The following DYNLT2B variants were observed in gnomAD, a reference collection of about 807,000 sequenced individuals.
DYNLT2B encodes the protein dynein light chain Tctex-type 2B, also known as dynein light chain Tctex-type protein 2B.
DYNLT2B carries 14 observed loss-of-function variants against 19.5 expected under a neutral mutation model. The observed-to-expected ratio is 0.72, with a 90% CI of 0.47 to 1.12. The LOEUF is 1.12. DYNLT2B is among the 50% of genes most tolerant of loss of function. The pLI, the probability that DYNLT2B is intolerant of heterozygous loss-of-function variation, is 0.00. For missense variants in DYNLT2B, 133 were observed against 174.7 expected (o/e 0.76, Z 1.35); for synonymous variants, 70 against 59.7 (o/e 1.17, Z -0.79).
chr3:196,297,436 A>G (rs1478848174), intron 3 of DYNLT2B, among the ~76,000 whole-genome samples: 1 of 152,024 alleles, frequency 6.6e-6, no homozygotes, highest in Non-Finnish European at 1.5e-5. Flanking sequence ...GAGGCAGGAG[A>G]ATCACTTGAA....
chr3:196,300,730 C>CA (rs1171224774), intron 3 of DYNLT2B, among the ~76,000 whole-genome samples: 26,421 of 68,488 alleles, frequency 0.39, 5,290 homozygotes, highest in East Asian at 0.84. Flanking sequence ...ACTCTGTCTC[C>CA]AAAAAAAAAA....
chr3:196,305,979 T>C (rs1303802325), intron 3 of DYNLT2B, among the ~76,000 whole-genome samples: 2 of 149,490 alleles, frequency 1.3e-5, no homozygotes, highest in Non-Finnish European at 3.0e-5. Context: ...TGTGTTATGA[T>C]CACATCTGTG....
chr3:196,311,122 C>T (rs75728031), intron 2 of DYNLT2B, among the ~76,000 whole-genome samples: 18,005 of 151,998 alleles, frequency 0.12, 1,306 homozygotes, highest in South Asian at 0.2. Flanking sequence ...AAGATCATTC[C>T]AGAACTAATA....
In DYNLT2B at chr3:196,316,099, TTTTAA is replaced by T; in HGVS notation, c.241_245del (p.Leu81ArgfsTer5). 7 of 1,612,720 alleles carry T rather than the reference TTTTAA, an allele frequency of 4.3e-6. No individual in the cohort carries two copies. Among genetic ancestry groups the T allele is most frequent in the Non-Finnish European group, 5.9e-6 (7 of 1,179,174 alleles). ...ATTTCCAGTTATCACCATGATTACC[TTTTAA>T]TTTATCTTTAATGTTTTCTGATAAA... On this transcript the variant is annotated frameshift_variant and splice_region_variant, in exon 2 of 5. Coordinates refer to ENST00000325318, the MANE Select transcript of DYNLT2B (RefSeq NM_152773.5). LOFTEE classifies it high-confidence loss of function.
intron 4 of DYNLT2B, among the ~76,000 whole-genome samples, chr3:196,293,459 T>C (rs1316620152): frequency 1.3e-5 from 2 of 151,542 alleles, no homozygotes; most frequent in Non-Finnish European, 2.9e-5. Context: ...ACCTTGTCTC[T>C]ACTAAAAAAT....
At chr3:196,308,082 GAAAAAA>G (rs201886079) in intron 2 of DYNLT2B, among the ~76,000 whole-genome samples, 5 of 108,998 alleles carry the variant, frequency 4.6e-5, no homozygotes, top group African/African-American at 1.5e-4. Flanking sequence ...ACTCCATCTC[GAAAAAA>G]AAAAAAAAAA....
intron 3 of DYNLT2B, among the ~76,000 whole-genome samples, chr3:196,302,245 G>T (rs1726375763): frequency 6.6e-6 from 1 of 152,158 alleles, no homozygotes. Flanking sequence ...GAGTGGAAGG[G>T]GCAGCAGCAG....
rs754305478 is a variant in DYNLT2B at position 196,307,986 on chromosome 3, CAGG to C, written c.248-977_248-975del. The stretch of plus-strand genomic sequence containing the variant: ...ACCCCAGCTACTCGGGAGGCTGAGG[CAGG>C]AGAATTGCTTGAACCTGGGAGGCGG... On this transcript the variant is annotated intron_variant, in intron 2 of 4. Transcript: ENST00000325318. Among the ~76,000 whole-genome samples, 340 of 147,534 alleles carry C rather than the reference CAGG, an allele frequency of 2.3e-3. 2 individuals carry two copies. Among genetic ancestry groups the C allele is most frequent in the Non-Finnish European group, 4.2e-3 (281 of 67,468 alleles).
At chr3:196,304,437 A>C (rs1174987763) in intron 3 of DYNLT2B, among the ~76,000 whole-genome samples, 3 of 152,014 alleles carry the variant, frequency 2.0e-5, no homozygotes, top group Non-Finnish European at 4.4e-5. Context: ...CTGGCCAAAA[A>C]CTGTTTTTTT....
rs369810607 is a variant in DYNLT2B, at chr3:196,291,381, A to G, written c.382-7T>C. 3.0e-5 allele frequency: 48 copies of G among 1,609,564 alleles called. No individual in the cohort carries two copies. The highest frequency in any genetic ancestry group is 4.0e-5 in the Non-Finnish European group (47 of 1,178,224). On this transcript the variant is annotated splice_polypyrimidine_tract_variant and splice_region_variant and intron_variant, in intron 4 of 4. Coordinates refer to ENST00000325318, the MANE Select transcript of DYNLT2B (RefSeq NM_152773.5). ...CAACGCAGAATAAACTGTCCTAAAA[A>G]ATAAATACAACACACACACACATCC...
At chr3:196,297,592 C>T (rs985491135) in intron 3 of DYNLT2B, among the ~76,000 whole-genome samples, 6 of 151,982 alleles carry the variant, frequency 3.9e-5, no homozygotes, top group African/African-American at 9.7e-5. Context: ...TTCTATTAAA[C>T]GTATGTGTAT....
At chr3:196,300,730 C>CAAAAAAAAAAAAAAA in intron 3 of DYNLT2B, among the ~76,000 whole-genome samples, 1 of 68,866 alleles carries the variant, frequency 1.5e-5, no homozygotes, top group Non-Finnish European at 2.7e-5. Flanking sequence ...ACTCTGTCTC[C>CAAAAAAAAAAAAAAA]AAAAAAAAAA....
At chr3:196,306,895 A>C (rs749767417) in intron 3 of DYNLT2B, 48 bp downstream of exon 3, 1 of 1,536,458 alleles carries the variant, frequency 6.5e-7, no homozygotes, top group South Asian at 1.1e-5. Flanking sequence ...CAGATACCTC[A>C]TAAGAAATAT....
intron 4 of DYNLT2B, 42 bp from the exon 5 acceptor site, chr3:196,291,416 G>C (rs777582957): frequency 1.2e-5 from 19 of 1,577,810 alleles, no homozygotes; most frequent in Admixed American, 3.7e-5. Context: ...CAGAATGTTA[G>C]TACTAAAGAG....
intron 1 of DYNLT2B, among the ~76,000 whole-genome samples, chr3:196,317,736 C>T (rs1049626953): frequency 1.3e-5 from 2 of 152,206 alleles, no homozygotes; most frequent in African/African-American, 4.8e-5. Flanking sequence ...CTCTATTCTA[C>T]CCATCTCCTT....
chr3:196,313,581 G>A (rs191382178), intron 2 of DYNLT2B, among the ~76,000 whole-genome samples: 2 of 152,158 alleles, frequency 1.3e-5, no homozygotes, highest in Admixed American at 1.3e-4. Context: ...TATAATGAAT[G>A]TGTACCATTT....
intron 3 of DYNLT2B, among the ~76,000 whole-genome samples, chr3:196,306,549 T>TTTTA (rs982797756): frequency 6.6e-6 from 1 of 152,048 alleles, no homozygotes; most frequent in South Asian, 2.1e-4. Flanking sequence ...AATAAAGATA[T>TTTTA]TTTATTTATT....
chr3:196,298,131 A>T, intron 3 of DYNLT2B: 1 of 351,828 alleles, frequency 2.8e-6, no homozygotes, highest in African/African-American at 2.2e-5. Context: ...CCAGTTTTCA[A>T]CCAGATCCAC....
intron 2 of DYNLT2B, among the ~76,000 whole-genome samples, chr3:196,313,617 CTT>C (rs1245229216): frequency 6.6e-6 from 1 of 151,872 alleles, no homozygotes; most frequent in African/African-American, 2.4e-5. Flanking sequence ...AACGATGAAC[CTT>C]CATTAAAAAG....
Sources: gnomAD v4.1 joint callset for allele counts (sites outside exome capture counted in the v4.1 genomes callset) on GRCh38, gnomAD v4.1.1 for gene constraint, MANE v1.5 for transcripts, NCBI Gene and HGNC (gene_info 2026-07-23, HGNC 2026-07-21) for gene names.